The following ANTXR1 variants were observed in gnomAD, a reference collection of about 807,000 sequenced individuals.
ANTXR1 encodes the protein anthrax toxin receptor 1.
ANTXR1 carries 19 observed loss-of-function variants against 78.1 expected under a neutral mutation model. The observed-to-expected ratio is 0.24, with a 90% CI of 0.17 to 0.36. The LOEUF is 0.36. Among genes scored for constraint, ANTXR1 ranks in the 10% least tolerant of loss-of-function variants. The pLI, the probability that ANTXR1 is intolerant of heterozygous loss-of-function variation, is 1.00. For synonymous variants in ANTXR1, 273 were observed against 260.5 expected (o/e 1.05, Z -0.46); for missense variants, 518 against 718.6 (o/e 0.72, Z 3.19).
At chr2:69,125,804 G>C (rs1672515508) in intron 12 of ANTXR1, among the ~76,000 whole-genome samples, 1 of 151,918 alleles carries the variant, frequency 6.6e-6, no homozygotes, top group South Asian at 2.1e-4. Context: ...TTGCACCACT[G>C]CACTCCGGCC....
chr2:69,079,209 G>A (rs1391179388), intron 8 of ANTXR1, among the ~76,000 whole-genome samples: 2 of 152,150 alleles, frequency 1.3e-5, no homozygotes, highest in Admixed American at 6.6e-5. Flanking sequence ...ACAGGTGAAG[G>A]ACTCCTACTC....
intron 17 of ANTXR1, among the ~76,000 whole-genome samples, chr2:69,212,331 G>A (rs1675062697): frequency 1.3e-5 from 2 of 152,124 alleles, no homozygotes; most frequent in Non-Finnish European, 2.9e-5. Flanking sequence ...TAGGTAAGAG[G>A]CAAAGCCCAG....
chr2:69,192,007 A>G (rs998557848), intron 16 of ANTXR1, among the ~76,000 whole-genome samples: 2 of 152,176 alleles, frequency 1.3e-5, no homozygotes, highest in Non-Finnish European at 2.9e-5. Flanking sequence ...CCTCCAACAA[A>G]TATATATTGA....
chr2:69,245,198 G>C lies in ANTXR1; in HGVS notation c.1435-27G>C. On this transcript the variant is annotated intron_variant, in intron 17 of 17. Transcript: ENST00000303714. ...CCCTGATGTGAGGCCGTCCGCTCACGTTTCCTTCTCTCCAATTCTTTTCTA... is the reference window on the plus strand; with the variant it reads ...CCCTGATGTGAGGCCGTCCGCTCACCTTTCCTTCTCTCCAATTCTTTTCTA... 3 of 1,613,920 alleles carry C rather than the reference G, an allele frequency of 1.9e-6. No individual in the cohort carries two copies. The South Asian group carries it at 3.3e-5, about 18-fold the overall frequency.
At chr2:69,123,230 AC>A in intron 11 of ANTXR1, 144 bp downstream of exon 11, 1 of 837,776 alleles carries the variant, frequency 1.2e-6, no homozygotes, top group Non-Finnish European at 2.0e-6. Flanking sequence ...GTTTACAGTG[AC>A]CCAGACGCCA....
At chr2:69,194,039 C>A (rs551666114) in intron 17 of ANTXR1, among the ~76,000 whole-genome samples, 1 of 152,350 alleles carries the variant, frequency 6.6e-6, no homozygotes, top group African/African-American at 2.4e-5. Context: ...ACCTTAGAAA[C>A]CATCCAGCCC....
At chr2:69,044,697 C>T (rs377195091) in intron 2 of ANTXR1, 45 bp from the exon 3 acceptor site, 37 of 1,586,572 alleles carry the variant, frequency 2.3e-5, no homozygotes, top group Non-Finnish European at 3.1e-5. Flanking sequence ...GAGTGGCATG[C>T]GCAGTCTTAT....
intron 11 of ANTXR1, among the ~76,000 whole-genome samples, chr2:69,124,077 A>G (rs1008882643): frequency 2.0e-5 from 3 of 152,242 alleles, no homozygotes; most frequent in Non-Finnish European, 4.4e-5. Flanking sequence ...GAGATGGAAG[A>G]CAAATGCATC....
At chr2:69,041,689 C>G (rs772279334) in intron 2 of ANTXR1, among the ~76,000 whole-genome samples, 10 of 152,238 alleles carry the variant, frequency 6.6e-5, no homozygotes, top group Non-Finnish European at 1.0e-4. Context: ...ACATCTTTCT[C>G]AGTTCCCTCA....
chr2:69,133,610 T>A (rs1672821925), intron 12 of ANTXR1, among the ~76,000 whole-genome samples: 1 of 152,222 alleles, frequency 6.6e-6, no homozygotes, highest in Non-Finnish European at 1.5e-5. Context: ...TGGCATTAAT[T>A]TGGATGCCAC....
rs1373042561 is a variant in ANTXR1, at chr2:69,170,249, T to G, written c.1049T>G (p.Ile350Ser). 3 of 1,614,146 alleles carry G rather than the reference T, an allele frequency of 1.9e-6. No homozygotes were observed. Among genetic ancestry groups the G allele is most frequent in the Admixed American group, 3.3e-5 (2 of 60,016 alleles). ...ACCTGTTCTCTGTTTTCTTTTCAGA[T>G]TATCAAGGAGGTCCCTCCACCCCCT... is the stretch of plus-strand genomic sequence containing the variant. ...WWFWPLCCTV[I>S]IKEVPPPPAE... Residue 350 changes from isoleucine to serine, a missense_variant and splice_region_variant, in exon 14 of 18, where the codon ATT (isoleucine) becomes AGT (serine). Physicochemically the swap from Ile to Ser is moderately radical, Grantham distance 142. Coordinates refer to ENST00000303714, the MANE Select transcript of ANTXR1 (RefSeq NM_032208.3).
At position 69,245,416 on chromosome 2, in the gene ANTXR1, T is replaced by G; in HGVS notation, c.1626T>G (p.Pro542=). The G allele has an allele frequency of 9.3e-7, 1 of 1,069,626 alleles. No individual in the cohort carries two copies. Among genetic ancestry groups the G allele is most frequent in the Non-Finnish European group, 1.3e-6 (1 of 776,770 alleles). The allele number at this position is 1,069,626 out of a possible 1,614,324, so 66.3% of individuals were successfully genotyped here. ...CGTCCCCACCTTCCACCCTTCCCCCTCCTCCCCAGGCTCCACCTCCCAACA... is the reference window on the plus strand; with the variant it reads ...CGTCCCCACCTTCCACCCTTCCCCCGCCTCCCCAGGCTCCACCTCCCAACA... The part of the protein sequence containing the change: ...PIPSPPSTLP[P]PPQAPPPNRA... Residue 542 remains proline (P), a synonymous_variant, in exon 18 of 18, where the codon CCT becomes CCG. Transcript: ENST00000303714.
In ANTXR1 at chr2:69,086,349, C is replaced by G. The variant is rs528167468; in HGVS notation, c.643-4510C>G. ...TGAAAAAATAAACTCTTCTATACAACCCGGACTGGTCCACAGTGGATTTCA... is the reference window on the plus strand; with the variant it reads ...TGAAAAAATAAACTCTTCTATACAAGCCGGACTGGTCCACAGTGGATTTCA... On this transcript the variant is annotated intron_variant, in intron 8 of 17. Transcript: ENST00000303714. 3.9e-5 allele frequency among the ~76,000 whole-genome samples: 6 copies of G among 152,332 alleles called. No homozygotes were observed. In the South Asian group the frequency reaches 1.0e-3, roughly 26 times the overall value.
At chr2:69,082,881 C>T (rs1021787519) in intron 8 of ANTXR1, among the ~76,000 whole-genome samples, 3 of 152,200 alleles carry the variant, frequency 2.0e-5, no homozygotes, top group African/African-American at 7.2e-5. Context: ...GCACATAGAG[C>T]TTTCTGCATG....
chr2:69,232,423 A>G lies in ANTXR1; in HGVS notation c.1435-12802A>G, dbSNP rs576879955. Among the ~76,000 whole-genome samples, 12 of 152,028 alleles carry G rather than the reference A, an allele frequency of 7.9e-5. No homozygotes were observed. In the South Asian group the frequency reaches 2.5e-3, roughly 32 times the overall value. ...AAAATCTACAATTTAGCAATAAGGG[A>G]TTAAACTCTTGCTTCAAAAAAGCAC... On this transcript the variant is annotated intron_variant, in intron 17 of 17. Transcript: ENST00000303714.
At chr2:69,241,565 T>C (rs915932685) in intron 17 of ANTXR1, among the ~76,000 whole-genome samples, 1 of 152,160 alleles carries the variant, frequency 6.6e-6, no homozygotes, top group Admixed American at 6.5e-5. Context: ...CAGGACTTGG[T>C]GGCAACAGGA....
intron 6 of ANTXR1, among the ~76,000 whole-genome samples, chr2:69,073,628 T>C (rs571266741): frequency 8.5e-5 from 13 of 152,312 alleles, no homozygotes; most frequent in African/African-American, 3.1e-4. Flanking sequence ...TTCTTTGTGT[T>C]CTCAAAAATT....
At chr2:69,107,575 CA>C (rs1665537283) in intron 10 of ANTXR1, among the ~76,000 whole-genome samples, 1 of 151,812 alleles carries the variant, frequency 6.6e-6, no homozygotes, top group South Asian at 2.1e-4. Flanking sequence ...ATGATAATAA[CA>C]TAATCTTGGT....
intron 8 of ANTXR1, among the ~76,000 whole-genome samples, chr2:69,081,878 G>A (rs948723936): frequency 2.0e-5 from 3 of 152,206 alleles, no homozygotes; most frequent in African/African-American, 4.8e-5. Flanking sequence ...CCTCACAGGT[G>A]CCATTTGATG....
Sources: gnomAD v4.1 joint callset for allele counts (sites outside exome capture counted in the v4.1 genomes callset) on GRCh38, gnomAD v4.1.1 for gene constraint, MANE v1.5 for transcripts, NCBI Gene and HGNC (gene_info 2026-07-23, HGNC 2026-07-21) for gene names.